Variants in ALPK2 observed in about 807,000 individuals in gnomAD.
The protein encoded by ALPK2 is alpha kinase 2, also known as alpha-protein kinase 2.
Under a neutral mutation model 163.1 loss-of-function variants are expected in ALPK2, and 127 were observed. That is an observed-to-expected ratio of 0.78 (90% confidence interval 0.67 to 0.90). The LOEUF is 0.90. ALPK2 is among the 40% of genes least tolerant of loss of function. ALPK2 has a pLI of 0.00. For synonymous variants in ALPK2, 953 were observed against 959.1 expected, an observed-to-expected ratio of 0.99 and a Z score of 0.12; for missense variants, 2,360 against 2,589.6, an observed-to-expected ratio of 0.91 and a Z score of 1.92.
intron 2 of ALPK2, among the ~76,000 whole-genome samples, chr18:58,609,987 G>A (rs114937433): frequency 0.014 from 2,093 of 152,240 alleles, 38 homozygotes; most frequent in African/African-American, 0.04. Flanking sequence ...GGCTGAAATC[G>A]AGGTTTTATG....
intron 4 of ALPK2, chr18:58,544,320 T>C (rs2051706466): frequency 6.6e-6 from 1 of 152,184 alleles, no homozygotes; most frequent in Non-Finnish European, 1.5e-5. Context: ...TTCTGCCTCC[T>C]AGGAATGTCT....
intron 8 of ALPK2, among the ~76,000 whole-genome samples, chr18:58,519,089 T>C (rs2051536419): frequency 6.6e-6 from 1 of 152,174 alleles, no homozygotes; most frequent in African/African-American, 2.4e-5. Flanking sequence ...TGGAGAGAAC[T>C]GGGTTGGAGC....
chr18:58,482,049 T>G lies in ALPK2; in HGVS notation c.6297-10A>C, dbSNP rs2051314519. On this transcript the variant is annotated splice_polypyrimidine_tract_variant and intron_variant, in intron 12 of 12. Coordinates refer to ENST00000361673, the MANE Select transcript of ALPK2 (RefSeq NM_052947.4). The stretch of plus-strand genomic sequence containing the variant: ...TTTAAATCCCTTGTACCTGTGAGTT[T>G]GGGTGGAAGGAAACATAGCTTTTAA... 1 of 1,604,240 alleles carries G rather than the reference T, an allele frequency of 6.2e-7. No individual in the cohort carries two copies. Among genetic ancestry groups the G allele is most frequent in the Non-Finnish European group, 8.5e-7 (1 of 1,173,376 alleles).
At chr18:58,486,431 G>A (rs1455993182) in intron 12 of ALPK2, among the ~76,000 whole-genome samples, 10 of 152,078 alleles carry the variant, frequency 6.6e-5, no homozygotes, top group African/African-American at 2.2e-4. Flanking sequence ...GGGTGTATGC[G>A]CCCCATCTTC....
rs145088303 is a variant in ALPK2 at position 58,579,216 on chromosome 18, C to G, written c.1560G>C (p.Val520=). 27 of 1,614,092 alleles carry G rather than the reference C, an allele frequency of 1.7e-5. No homozygotes were observed. The highest frequency in any genetic ancestry group is 1.6e-4 in the Middle Eastern group (1 of 6,062). ...QCWETAADKR[V]GGKDLWSKRG... Reference sequence around the variant, plus strand: ...TCTTGCTCCATAAGTCCTTTCCCCCCACTCTCTTGTCAGCTGCCGTCTCCC... The same window carrying G: ...TCTTGCTCCATAAGTCCTTTCCCCCGACTCTCTTGTCAGCTGCCGTCTCCC... Residue 520 remains valine (V), a synonymous_variant, in exon 4 of 13, where the codon GTG becomes GTC. Transcript: ENST00000361673.
At chr18:58,599,473 C>T (rs562458432) in intron 3 of ALPK2, among the ~76,000 whole-genome samples, 1 of 152,362 alleles carries the variant, frequency 6.6e-6, no homozygotes, top group Non-Finnish European at 1.5e-5. Flanking sequence ...CTCACAGGAA[C>T]ATGAAGTTCA....
At chr18:58,523,704 G>A (rs2051568112) in intron 8 of ALPK2, 102 bp downstream of exon 8, 2 of 1,444,828 alleles carry the variant, frequency 1.4e-6, no homozygotes, top group Non-Finnish European at 1.9e-6. Context: ...TTCTCGGTTG[G>A]AAGAGTCCAG....
At position 58,516,890 on chromosome 18, in the gene ALPK2, T is replaced by G; in HGVS notation, c.5940+18A>C. The stretch of plus-strand genomic sequence containing the variant: ...GTTCTCACACCAGAAGTGACAGCCT[T>G]TGGGCAGATGGACCCACCTGGGCAG... On this transcript the variant is annotated intron_variant, in intron 9 of 12. Transcript: ENST00000361673. 6.2e-7 allele frequency: 1 copy of G among 1,608,852 alleles called. No individual in the cohort carries two copies. Among genetic ancestry groups the G allele is most frequent in the South Asian group, 1.1e-5 (1 of 90,906 alleles).
chr18:58,603,738 A>G (rs1198034494), intron 3 of ALPK2, among the ~76,000 whole-genome samples: 2 of 71,332 alleles, frequency 2.8e-5, no homozygotes, highest in African/African-American at 7.0e-5. Context: ...ACATCGTTGC[A>G]ATTTGCTTTA....
intron 4 of ALPK2, among the ~76,000 whole-genome samples, chr18:58,560,594 A>G (rs1413429687): frequency 1.3e-5 from 2 of 152,190 alleles, no homozygotes; most frequent in Admixed American, 6.5e-5. Flanking sequence ...TAATTTCCCC[A>G]TGTCAGGGTT....
chr18:58,592,640 C>A (rs1410410412), intron 3 of ALPK2, among the ~76,000 whole-genome samples: 1 of 152,164 alleles, frequency 6.6e-6, no homozygotes, highest in Non-Finnish European at 1.5e-5. Flanking sequence ...GTGCGGAATT[C>A]TGTCCAGGGG....
rs142731780 is a variant in ALPK2 at position 58,554,249 on chromosome 18, G to A, written c.1963-16025C>T. On this transcript the variant is annotated intron_variant, in intron 4 of 12. Coordinates refer to ENST00000361673, the MANE Select transcript of ALPK2 (RefSeq NM_052947.4). ...TTTGGGGCTGGAATGATGGACATTCGTGTGGATGCTTCTCAGGGTAGATCT... is the reference window on the plus strand; with the variant it reads ...TTTGGGGCTGGAATGATGGACATTCATGTGGATGCTTCTCAGGGTAGATCT... 5.6e-3 allele frequency among the ~76,000 whole-genome samples: 846 copies of A among 152,284 alleles called. 15 individuals carry two copies. The South Asian group carries it at 0.086, about 16-fold the overall frequency.
intron 4 of ALPK2, among the ~76,000 whole-genome samples, chr18:58,568,416 G>A (rs2051867748): frequency 1.3e-5 from 2 of 152,134 alleles, no homozygotes; most frequent in South Asian, 2.1e-4. Context: ...CAGGGGAGGT[G>A]GAACTTGGAA....
chr18:58,608,376 A>G (rs34430740), intron 2 of ALPK2, among the ~76,000 whole-genome samples: 3,447 of 152,308 alleles, frequency 0.023, 50 homozygotes, highest in South Asian at 0.052. Flanking sequence ...CGTGATGTTA[A>G]TGGGCTAATC....
intron 4 of ALPK2, among the ~76,000 whole-genome samples, chr18:58,538,946 C>T (rs1602208406): frequency 6.6e-6 from 1 of 152,072 alleles, no homozygotes; most frequent in Non-Finnish European, 1.5e-5. Context: ...ATGCCAGCTC[C>T]CCTCTGCCTC....
At chr18:58,502,181 AAG>A (rs2051435631) in intron 11 of ALPK2, among the ~76,000 whole-genome samples, 1 of 112,408 alleles carries the variant, frequency 8.9e-6, no homozygotes, top group Non-Finnish European at 1.9e-5. Context: ...CACACACACA[AAG>A]AAAAAAAAAA....
chr18:58,609,190 TG>T (rs1568100386), intron 2 of ALPK2, among the ~76,000 whole-genome samples: 1 of 151,000 alleles, frequency 6.6e-6, no homozygotes, highest in Non-Finnish European at 1.5e-5. Context: ...TTTTCCTCCT[TG>T]CCTTCTCCTT....
chr18:58,495,824 C>A (rs113646482), intron 12 of ALPK2, among the ~76,000 whole-genome samples: 1 of 151,958 alleles, frequency 6.6e-6, no homozygotes, highest in Non-Finnish European at 1.5e-5. Flanking sequence ...CAGGGCAAGC[C>A]GGAGTGTCCC....
At chr18:58,597,280 AC>A (rs2052045842) in intron 3 of ALPK2, among the ~76,000 whole-genome samples, 1 of 151,982 alleles carries the variant, frequency 6.6e-6, no homozygotes, top group Non-Finnish European at 1.5e-5. Context: ...ACAGAGTGAG[AC>A]TCCAACTCGA....
Sources: gnomAD v4.1 joint callset for allele counts (sites outside exome capture counted in the v4.1 genomes callset) on GRCh38, gnomAD v4.1.1 for gene constraint, MANE v1.5 for transcripts, NCBI Gene and HGNC (gene_info 2026-07-23, HGNC 2026-07-21) for gene names.